TENM2: variants seen among roughly 807,000 people sequenced by gnomAD.
TENM2 encodes teneurin transmembrane protein 2.
In TENM2, 52 loss-of-function variants were observed where a neutral mutation model predicts 245.2. The ratio of observed to expected loss-of-function variants is 0.21; its 90% CI spans 0.17 to 0.27. The LOEUF (loss-of-function observed/expected upper bound fraction) is 0.27, where lower values mean the gene tolerates loss of function less well. Among genes scored for constraint, TENM2 ranks in the 10% least tolerant of loss-of-function variants. The pLI is 1.00. For synonymous variants in TENM2, 1,363 were observed against 1,438.9 expected (o/e 0.95, Z 1.19); for missense variants, 3,046 against 3,666.8 (o/e 0.83, Z 4.37).
intron 2 of TENM2, among the ~76,000 whole-genome samples, chr5:167,810,959 T>C (rs1274042388): frequency 1.3e-5 from 2 of 152,172 alleles, no homozygotes; most frequent in African/African-American, 4.8e-5. Flanking sequence ...TTGTGGCTTC[T>C]GGATATCACC....
intron 7 of TENM2, among the ~76,000 whole-genome samples, chr5:168,081,507 T>C (rs1294608130): frequency 6.6e-6 from 1 of 152,238 alleles, no homozygotes; most frequent in African/African-American, 2.4e-5. Flanking sequence ...CATTAATTGA[T>C]GTGATTTCTT....
chr5:167,988,124 T>C (rs1365194838), intron 4 of TENM2, among the ~76,000 whole-genome samples: 1 of 152,202 alleles, frequency 6.6e-6, no homozygotes, highest in East Asian at 1.9e-4. Flanking sequence ...TGTGTAAATA[T>C]AGACTCTTGC....
intron 2 of TENM2, among the ~76,000 whole-genome samples, chr5:167,702,279 G>A (rs1264122329): frequency 2.0e-5 from 3 of 151,974 alleles, no homozygotes; most frequent in Admixed American, 2.0e-4. Flanking sequence ...TCCATGCATG[G>A]GTGACCAAAT....
At chr5:167,283,058 T>G (rs1454193505), upstream of TENM2, among the ~76,000 whole-genome samples, 1 of 152,000 alleles carries the variant, frequency 6.6e-6, no homozygotes, top group Non-Finnish European at 1.5e-5. Flanking sequence ...TTTCTTTTTT[T>G]TTTGAGATGG....
chr5:167,968,100 A>G (rs889068703), intron 4 of TENM2, among the ~76,000 whole-genome samples: 1 of 152,158 alleles, frequency 6.6e-6, no homozygotes, highest in Admixed American at 6.5e-5. Flanking sequence ...CAGACTTGCA[A>G]ACCGTCACGA....
chr5:167,909,568 T>C (rs1776384956), intron 3 of TENM2, among the ~76,000 whole-genome samples: 1 of 152,220 alleles, frequency 6.6e-6, no homozygotes, highest in African/African-American at 2.4e-5. Context: ...CATTTTAGGT[T>C]AAGAGGTTTT....
chr5:167,332,228 G>A (rs761575702), intron 1 of TENM2, among the ~76,000 whole-genome samples: 51 of 152,138 alleles, frequency 3.4e-4, no homozygotes, highest in African/African-American at 8.7e-4. Flanking sequence ...CGGCAGTACC[G>A]TTTGTCTTTG....
chr5:167,341,393 C>T (rs1381566173), intron 1 of TENM2, among the ~76,000 whole-genome samples: 1 of 151,972 alleles, frequency 6.6e-6, no homozygotes, highest in African/African-American at 2.4e-5. Flanking sequence ...AAAGTTTATC[C>T]ATAGATTTGT....
At chr5:168,052,421 T>C (rs1415853583) in intron 6 of TENM2, among the ~76,000 whole-genome samples, 3 of 151,474 alleles carry the variant, frequency 2.0e-5, no homozygotes, top group East Asian at 3.9e-4. Flanking sequence ...CACACACACA[T>C]ATATATGTGT....
intron 2 of TENM2, among the ~76,000 whole-genome samples, chr5:167,525,061 A>G (rs1398644466): frequency 1.3e-5 from 2 of 152,014 alleles, no homozygotes; most frequent in African/African-American, 4.8e-5. Flanking sequence ...AATCAGCTTG[A>G]TGAGCAGTTT....
intron 2 of TENM2, among the ~76,000 whole-genome samples, chr5:167,499,998 G>C (rs1251202595): frequency 6.7e-6 from 1 of 148,282 alleles, no homozygotes; most frequent in Non-Finnish European, 1.5e-5. Context: ...GTATGTGAGG[G>C]TGTATGTGTG....
At chr5:167,055,482 A>G in the TENM2 span, among the ~76,000 whole-genome samples, 1 of 152,080 alleles carries the variant, frequency 6.6e-6, no homozygotes, top group Non-Finnish European at 1.5e-5. Flanking sequence ...TTTTGAATCT[A>G]TAGATCAAGT....
the TENM2 span, among the ~76,000 whole-genome samples, chr5:167,176,000 A>ATGCCCAGC: frequency 1.3e-5 from 2 of 152,178 alleles, no homozygotes; most frequent in South Asian, 4.1e-4. Context: ...GTGAGCCACC[A>ATGCCCAGC]TGCCCAGCTG....
intron 2 of TENM2, among the ~76,000 whole-genome samples, chr5:167,714,377 C>G (rs1449799490): frequency 6.6e-6 from 1 of 152,180 alleles, no homozygotes; most frequent in African/African-American, 2.4e-5. Flanking sequence ...TATCTCTGCT[C>G]TTTCTTCTGT....
chr5:167,310,635 AC>A lies in TENM2; in HGVS notation c.226+25573del, dbSNP rs1755976553. Among the ~76,000 whole-genome samples the A allele has an allele frequency of 1.3e-4, 20 of 152,098 alleles. No individual in the cohort carries two copies. In the South Asian group the frequency reaches 4.1e-3, roughly 31 times the overall value. ...AAACAAAATAAAACAAAAACAAAAA[AC>A]AAAAAAAACAACAAATAGAGTTTCA... On this transcript the variant is annotated intron_variant, in intron 1 of 28. Coordinates refer to ENST00000518659, the Ensembl canonical transcript of TENM2.
chr5:167,875,995 T>C, exon 3 of TENM2: 1 of 1,551,308 alleles, frequency 6.4e-7, no homozygotes, highest in Non-Finnish European at 8.7e-7. Context: ...GGTCGTCCCA[T>C]TCCACCTACA....
At chr5:167,207,902 C>T in the TENM2 span, among the ~76,000 whole-genome samples, 71 of 152,188 alleles carry the variant, frequency 4.7e-4, 1 homozygote, top group Middle Eastern at 3.4e-3. Flanking sequence ...TATAGGCACG[C>T]GCCAATGTGC....
the TENM2 span, among the ~76,000 whole-genome samples, chr5:167,078,206 G>A: frequency 2.6e-5 from 4 of 152,054 alleles, no homozygotes; most frequent in Admixed American, 6.6e-5. Context: ...ATGTTGGGCC[G>A]GGTGCAGTGG....
chr5:167,014,526 G>A, the TENM2 span, among the ~76,000 whole-genome samples: 1 of 152,110 alleles, frequency 6.6e-6, no homozygotes, highest in Non-Finnish European at 1.5e-5. Flanking sequence ...AAATTTTAAT[G>A]GATTCTCCAC....
Sources: allele counts gnomAD v4.1 joint callset (sites outside exome capture counted in the v4.1 genomes callset), GRCh38; gene constraint gnomAD v4.1.1; transcripts MANE v1.5; gene names NCBI Gene and HGNC (gene_info 2026-07-23, HGNC 2026-07-21).